ASTN2: variants seen among roughly 807,000 people sequenced by gnomAD.
ASTN2 encodes the protein astrotactin 2.
Under a neutral mutation model 139.8 loss-of-function variants are expected in ASTN2, and 54 were observed. That is an observed-to-expected ratio of 0.39 (90% CI 0.31 to 0.48). The LOEUF (loss-of-function observed/expected upper bound fraction) is 0.48, where lower values mean the gene tolerates loss of function less well. Among genes scored for constraint, ASTN2 ranks in the 20% least tolerant of loss-of-function variants. The probability of loss-of-function intolerance (pLI) is 0.95; values close to 1 mark genes in which losing one functional copy is unlikely to be tolerated. For synonymous variants in ASTN2, 756 were observed against 719.5 expected, an observed-to-expected ratio of 1.05 and a Z score of -0.81; for missense variants, 1,565 against 1,725.1, an observed-to-expected ratio of 0.91 and a Z score of 1.64.
At chr9:116,549,958 G>A (rs1200840930) in intron 19 of ASTN2, among the ~76,000 whole-genome samples, 2 of 152,178 alleles carry the variant, frequency 1.3e-5, no homozygotes, top group African/African-American at 4.8e-5. Flanking sequence ...CTTTGCTTAT[G>A]ATGTGCTCAC....
intron 11 of ASTN2, among the ~76,000 whole-genome samples, chr9:116,837,392 G>A (rs1314007485): frequency 6.6e-6 from 1 of 152,168 alleles, no homozygotes; most frequent in African/African-American, 2.4e-5. Context: ...AAGTCTCTGA[G>A]CCTTGAGATT....
intron 10 of ASTN2, among the ~76,000 whole-genome samples, chr9:116,936,510 C>T (rs1835088905): frequency 6.6e-6 from 1 of 152,158 alleles, no homozygotes; most frequent in Non-Finnish European, 1.5e-5. Flanking sequence ...TCAGCAAGTG[C>T]TAGTACTTGC....
chr9:116,737,355 C>G (rs981468493), intron 13 of ASTN2, among the ~76,000 whole-genome samples: 3 of 152,112 alleles, frequency 2.0e-5, no homozygotes, highest in African/African-American at 4.8e-5. Flanking sequence ...TAGACAACAG[C>G]TGCAGAACCC....
intron 10 of ASTN2, among the ~76,000 whole-genome samples, chr9:116,948,788 T>TTTTTTTTTTG: frequency 2.7e-5 from 1 of 36,588 alleles, no homozygotes; most frequent in Non-Finnish European, 7.9e-5. Context: ...ATTTGGTGTT[T>TTTTTTTTTTG]TTTTTTTTTT....
chr9:117,042,135 C>A (rs185656015), intron 5 of ASTN2, among the ~76,000 whole-genome samples: 2 of 152,206 alleles, frequency 1.3e-5, no homozygotes, highest in African/African-American at 4.8e-5. Flanking sequence ...TAGATGCTGA[C>A]CAACCAAAAA....
chr9:116,459,962 A>T (rs1008335604), intron 20 of ASTN2, among the ~76,000 whole-genome samples: 1 of 152,158 alleles, frequency 6.6e-6, no homozygotes, highest in Admixed American at 6.6e-5. Flanking sequence ...AAATTTTCAT[A>T]GCAACATTAT....
At chr9:116,704,634 G>A (rs1827943380) in intron 16 of ASTN2, among the ~76,000 whole-genome samples, 1 of 152,204 alleles carries the variant, frequency 6.6e-6, no homozygotes. Flanking sequence ...GAAAGCCAGT[G>A]GAGATTTTCA....
intron 19 of ASTN2, among the ~76,000 whole-genome samples, chr9:116,512,728 G>A (rs373719402): frequency 1.3e-5 from 2 of 152,152 alleles, no homozygotes; most frequent in African/African-American, 4.8e-5. Flanking sequence ...AGCTCTTCTT[G>A]CTGAATTGAT....
chr9:116,424,375 T>C lies in ASTN2; in HGVS notation c.*1476A>G, dbSNP rs1847251636. Among the ~76,000 whole-genome samples the C allele has an allele frequency of 6.6e-6, 1 of 152,194 alleles. No homozygotes were observed. Among genetic ancestry groups the C allele is most frequent in the Admixed American group, 6.5e-5 (1 of 15,278 alleles). ...GAGAATGATTTTCTTAAAGAGTAAG[T>C]TGACTATTTAGTCATATAAATAGTC... On this transcript the variant is annotated 3_prime_UTR_variant, in exon 23 of 23. Coordinates refer to ENST00000313400, the MANE Select transcript of ASTN2 (RefSeq NM_001365068.1).
In ASTN2 at chr9:116,976,171, G is replaced by T; in HGVS notation, c.1694C>A (p.Thr565Lys). Residue 565 changes from threonine (T) to lysine (K), a missense_variant, in exon 9 of 23, where the codon ACA (threonine) becomes AAA (lysine). By Grantham distance (78) the Thr-to-Lys change is moderately conservative. Coordinates refer to ENST00000313400, the MANE Select transcript of ASTN2 (RefSeq NM_001365068.1). ...CACCAGATCATAGCCCCTCTCAAGT[G>T]TCGTGTAGGGCCAAGGTCTATGGGA... ...GQSEGPWPYT[T>K]LERGYDLVTG... 1 of 1,614,138 alleles carries T rather than the reference G, an allele frequency of 6.2e-7. No individual in the cohort carries two copies. Among genetic ancestry groups the T allele is most frequent in the Non-Finnish European group, 8.5e-7 (1 of 1,179,980 alleles).
intron 4 of ASTN2, among the ~76,000 whole-genome samples, chr9:117,134,289 T>TATATAC (rs1829896268): frequency 1.2e-5 from 1 of 81,408 alleles, no homozygotes; most frequent in African/African-American, 4.9e-5. Context: ...TATATATATA[T>TATATAC]ATATATACAC....
At chr9:117,363,282 G>A (rs1829743431) in intron 1 of ASTN2, among the ~76,000 whole-genome samples, 2 of 152,298 alleles carry the variant, frequency 1.3e-5, no homozygotes, top group South Asian at 4.1e-4. Flanking sequence ...TGTCTGAGGG[G>A]AGTGTGTAGT....
chr9:117,113,348 T>C (rs1829295372), intron 4 of ASTN2, among the ~76,000 whole-genome samples: 1 of 152,146 alleles, frequency 6.6e-6, no homozygotes, highest in African/African-American at 2.4e-5. Context: ...CACCAACTGG[T>C]TGGCAGATAA....
intron 19 of ASTN2, among the ~76,000 whole-genome samples, chr9:116,552,440 T>C (rs1227566188): frequency 3.3e-5 from 5 of 152,258 alleles, no homozygotes; most frequent in African/African-American, 1.2e-4. Context: ...AACATTCTGC[T>C]AGTAGCAGGA....
intron 17 of ASTN2, among the ~76,000 whole-genome samples, chr9:116,635,559 C>T (rs1252725465): frequency 6.6e-6 from 1 of 152,196 alleles, no homozygotes; most frequent in East Asian, 1.9e-4. Context: ...AAAATGAGTA[C>T]CTGCACATAT....
chr9:117,334,728 C>G (rs1828823746), intron 1 of ASTN2, among the ~76,000 whole-genome samples: 2 of 152,100 alleles, frequency 1.3e-5, no homozygotes, highest in South Asian at 4.1e-4. Context: ...CCAATTACCA[C>G]TTCCTGGAAG....
chr9:117,114,705 G>C (rs930597895), intron 4 of ASTN2, among the ~76,000 whole-genome samples: 3 of 152,100 alleles, frequency 2.0e-5, no homozygotes, highest in African/African-American at 7.2e-5. Context: ...GGGAGGGCTT[G>C]TTACTGCTTT....
intron 19 of ASTN2, among the ~76,000 whole-genome samples, chr9:116,564,202 G>A (rs1475232057): frequency 1.3e-5 from 2 of 152,200 alleles, no homozygotes; most frequent in Non-Finnish European, 2.9e-5. Flanking sequence ...TTAACTTTTA[G>A]TGATCTCAGG....
chr9:116,609,379 G>GTATATATATATATATATATATA lies in ASTN2; in HGVS notation c.3355+8923_3355+8944dup, dbSNP rs56938236. Among the ~76,000 whole-genome samples the GTATATATATATATATATATATA allele has an allele frequency of 1.2e-3, 141 of 116,674 alleles. 3 individuals are homozygous for GTATATATATATATATATATATA. The highest frequency in any genetic ancestry group is 1.6e-3 in the Non-Finnish European group (87 of 55,750). 76.5% of individuals were successfully genotyped at this position (116,674 alleles called of 152,430 possible). ...ATATACATGAATTATATATATGGGT[G>GTATATATATATATATATATATA]TATATATATATATATATATATATAT... On this transcript the variant is annotated intron_variant, in intron 19 of 22. Coordinates refer to ENST00000313400, the MANE Select transcript of ASTN2 (RefSeq NM_001365068.1).
Sources: gnomAD v4.1 joint callset for allele counts (sites outside exome capture counted in the v4.1 genomes callset) on GRCh38, gnomAD v4.1.1 for gene constraint, MANE v1.5 for transcripts, NCBI Gene and HGNC (gene_info 2026-07-23, HGNC 2026-07-21) for gene names.